ASAP1: variants seen among roughly 807,000 people sequenced by gnomAD.
ASAP1 encodes the protein ArfGAP with SH3 domain, ankyrin repeat and PH domain 1, also known as arf-GAP with SH3 domain, ANK repeat and PH domain-containing protein 1.
A neutral mutation model predicts 145.2 loss-of-function variants in ASAP1; 43 were observed. That is an observed-to-expected ratio of 0.30 (90% CI 0.23 to 0.38). The LOEUF is 0.38. ASAP1 is among the 10% of genes least tolerant of loss of function. The pLI, the probability that ASAP1 is intolerant of heterozygous loss-of-function variation, is 1.00. For synonymous variants in ASAP1, 546 were observed against 515.5 expected (o/e 1.06, Z -0.80); for missense variants, 1,018 against 1,355.3 (o/e 0.75, Z 3.91).
intron 26 of ASAP1, among the ~76,000 whole-genome samples, chr8:130,077,992 CTTT>C: frequency 7.2e-6 from 1 of 139,476 alleles, no homozygotes; most frequent in South Asian, 2.3e-4. Context: ...TGTTTAAAAA[CTTT>C]TTTTTTTTTT....
intron 1 of ASAP1, among the ~76,000 whole-genome samples, chr8:130,408,359 A>G (rs1422915284): frequency 6.6e-6 from 1 of 152,246 alleles, no homozygotes; most frequent in Non-Finnish European, 1.5e-5. Flanking sequence ...CATTGAAGGC[A>G]TAATATTAAT....
chr8:130,141,598 C>A (rs894617633), intron 13 of ASAP1, among the ~76,000 whole-genome samples: 5 of 152,182 alleles, frequency 3.3e-5, no homozygotes, highest in African/African-American at 1.2e-4. Context: ...TGGCACACAT[C>A]GGGTACTAGC....
chr8:130,359,656 G>C (rs1450396136), intron 2 of ASAP1, among the ~76,000 whole-genome samples: 1 of 141,478 alleles, frequency 7.1e-6, no homozygotes, highest in South Asian at 2.2e-4. Context: ...TCGCTCTGTC[G>C]CCCAGGCCGG....
chr8:130,382,066 C>T (rs1056626389), intron 2 of ASAP1, among the ~76,000 whole-genome samples: 4 of 152,054 alleles, frequency 2.6e-5, no homozygotes, highest in Non-Finnish European at 5.9e-5. Context: ...GCGGGCAGAT[C>T]ACGAGGTCAG....
chr8:130,145,370 T>C (rs2097626135), intron 13 of ASAP1, among the ~76,000 whole-genome samples: 1 of 152,158 alleles, frequency 6.6e-6, no homozygotes, highest in South Asian at 2.1e-4. Context: ...CAGACTGGAG[T>C]ACAGTGGTGT....
intron 1 of ASAP1, among the ~76,000 whole-genome samples, chr8:130,412,622 C>T (rs1053122623): frequency 6.6e-6 from 1 of 151,904 alleles, no homozygotes; most frequent in Admixed American, 6.6e-5. Flanking sequence ...TAATACGAGT[C>T]TAGCAGAATA....
chr8:130,062,316 G>C (rs1398515013), intron 27 of ASAP1, among the ~76,000 whole-genome samples: 1 of 152,148 alleles, frequency 6.6e-6, no homozygotes, highest in Non-Finnish European at 1.5e-5. Flanking sequence ...AGAAGAAACA[G>C]ATAAACCTCA....
At chr8:130,338,104 A>C (rs193074134) in intron 3 of ASAP1, among the ~76,000 whole-genome samples, 1 of 152,316 alleles carries the variant, frequency 6.6e-6, no homozygotes, top group East Asian at 1.9e-4. Context: ...CGACCTAAGG[A>C]GCCTGTGATG....
intron 3 of ASAP1, among the ~76,000 whole-genome samples, chr8:130,238,616 A>G (rs943319957): frequency 3.3e-5 from 5 of 152,148 alleles, no homozygotes; most frequent in Admixed American, 1.3e-4. Context: ...TATCAATTAT[A>G]TAAGATATAT....
At chr8:130,383,138 A>C (rs1245244458) in intron 2 of ASAP1, among the ~76,000 whole-genome samples, 4 of 152,130 alleles carry the variant, frequency 2.6e-5, no homozygotes, top group African/African-American at 9.7e-5. Flanking sequence ...TTCTGCCTGG[A>C]AATGACATCT....
At chr8:130,415,780 C>CAAAAA (rs1194904074) in intron 1 of ASAP1, among the ~76,000 whole-genome samples, 1 of 97,542 alleles carries the variant, frequency 1.0e-5, no homozygotes. Context: ...AACTCCATCT[C>CAAAAA]AAAAAAAAAA....
intron 24 of ASAP1, among the ~76,000 whole-genome samples, chr8:130,104,991 C>T (rs531985231): frequency 6.6e-6 from 1 of 152,212 alleles, no homozygotes; most frequent in South Asian, 2.1e-4. Flanking sequence ...TTATATCTAT[C>T]CAACTTGGGA....
Position 130,405,979 on chromosome 8 carries a change from A to C in ASAP1, c.-27-4009T>G, listed in dbSNP as rs538417259. 4.6e-5 allele frequency among the ~76,000 whole-genome samples: 7 copies of C among 152,326 alleles called. No homozygotes were observed. In the South Asian group the frequency reaches 1.5e-3, roughly 32 times the overall value. On this transcript the variant is annotated intron_variant, in intron 1 of 29. Transcript: ENST00000518721. ...AGAAAGTAATCTAGGTTCATCAGAA[A>C]AAATATTAAGGCATAAAATTAAAAT...
chr8:130,375,441 T>C (rs534855895), intron 2 of ASAP1, among the ~76,000 whole-genome samples: 17 of 150,988 alleles, frequency 1.1e-4, no homozygotes, highest in Non-Finnish European at 2.4e-4. Flanking sequence ...ATGCCTGTAA[T>C]CCCAGCAATT....
At chr8:130,143,824 T>TATTA (rs2097619560) in intron 13 of ASAP1, among the ~76,000 whole-genome samples, 1 of 152,228 alleles carries the variant, frequency 6.6e-6, no homozygotes, top group South Asian at 2.1e-4. Context: ...AGTGTAAAGT[T>TATTA]GTTAGCACAG....
chr8:130,293,210 G>T (rs530345272), intron 3 of ASAP1, among the ~76,000 whole-genome samples: 1 of 152,256 alleles, frequency 6.6e-6, no homozygotes, highest in East Asian at 1.9e-4. Flanking sequence ...GATTCAGCAG[G>T]TCTGACGAGG....
intron 4 of ASAP1, among the ~76,000 whole-genome samples, chr8:130,229,143 T>C (rs1044008033): frequency 6.6e-6 from 1 of 152,206 alleles, no homozygotes; most frequent in Non-Finnish European, 1.5e-5. Flanking sequence ...AGCAACAATC[T>C]GCTTGACTTG....
chr8:130,114,925 T>C (rs191933958), intron 23 of ASAP1, among the ~76,000 whole-genome samples: 1 of 152,084 alleles, frequency 6.6e-6, no homozygotes, highest in Non-Finnish European at 1.5e-5. Flanking sequence ...GTTTTATTGA[T>C]TGATCCATTT....
chr8:130,321,673 T>C (rs1470479372), intron 3 of ASAP1, among the ~76,000 whole-genome samples: 1 of 152,190 alleles, frequency 6.6e-6, no homozygotes, highest in Admixed American at 6.5e-5. Context: ...GTTGCTTAAA[T>C]ATAAAATGAT....
Sources: allele counts gnomAD v4.1 joint callset (sites outside exome capture counted in the v4.1 genomes callset), GRCh38; gene constraint gnomAD v4.1.1; transcripts MANE v1.5; gene names NCBI Gene and HGNC (gene_info 2026-07-23, HGNC 2026-07-21).